The following COPS4 variants were observed in gnomAD, a reference collection of about 807,000 sequenced individuals.
COPS4 encodes COP9 signalosome subunit 4, also known as COP9 signalosome complex subunit 4.
A neutral mutation model predicts 55.1 loss-of-function variants in COPS4; 8 were observed. The observed-to-expected ratio is 0.15, with a 90% CI of 0.09 to 0.26. The LOEUF (loss-of-function observed/expected upper bound fraction) is 0.26, where lower values mean the gene tolerates loss of function less well. COPS4 is among the 10% of genes least tolerant of loss of function. COPS4 has a pLI of 1.00. For missense variants in COPS4, 248 were observed against 484.0 expected, an observed-to-expected ratio of 0.51 and a Z score of 4.58; for synonymous variants, 185 against 165.7, an observed-to-expected ratio of 1.12 and a Z score of -0.90.
rs368043144 is a variant in COPS4 at position 83,049,150 on chromosome 4, T to G, written c.155-16T>G. ...TCAGCTCATGTTTTCTTATCTTTTT[T>G]TTTTTTTTAAACAAGTGGTAAATGA... On this transcript the variant is annotated splice_polypyrimidine_tract_variant and intron_variant, in intron 2 of 9. Coordinates refer to ENST00000264389, the MANE Select transcript of COPS4 (RefSeq NM_016129.3). 12 of 1,581,572 alleles carry G rather than the reference T, an allele frequency of 7.6e-6. No individual in the cohort carries two copies. The highest frequency in any genetic ancestry group is 4.1e-5 in the African/African-American group (3 of 72,374).
chr4:83,073,030 A>G (rs1433418658), intron 9 of COPS4, among the ~76,000 whole-genome samples: 1 of 152,222 alleles, frequency 6.6e-6, no homozygotes, highest in Non-Finnish European at 1.5e-5. Flanking sequence ...AAAGAAAAAA[A>G]GAAGGAAATT....
At chr4:83,074,222 A>G (rs1415331671) in intron 9 of COPS4, among the ~76,000 whole-genome samples, 1 of 152,160 alleles carries the variant, frequency 6.6e-6, no homozygotes, top group Admixed American at 6.5e-5. Flanking sequence ...GGAATCTGCA[A>G]GCCTTGGTGA....
At position 83,046,929 on chromosome 4, in the gene COPS4, T is replaced by A. The variant is rs139810274; in HGVS notation, c.154+1224T>A. Among the ~76,000 whole-genome samples the A allele has an allele frequency of 2.4e-4, 36 of 152,350 alleles. No homozygotes were observed. The East Asian group carries it at 4.8e-3, about 20-fold the overall frequency. ...GGTTTTCTGATACACTGCTCTTACT[T>A]GCTTATATTTCCCTGAGTAATACCA... On this transcript the variant is annotated intron_variant, in intron 2 of 9. Transcript: ENST00000264389.
At chr4:83,043,189 C>T (rs1429041042) in intron 1 of COPS4, among the ~76,000 whole-genome samples, 2 of 151,818 alleles carry the variant, frequency 1.3e-5, no homozygotes, top group South Asian at 2.1e-4. Context: ...ATTCCCAATA[C>T]AGATTAGTTG....
At position 83,058,202 on chromosome 4, in the gene COPS4, G is replaced by T. The variant is rs148146151; in HGVS notation, c.715+794G>T. The stretch of plus-strand genomic sequence containing the variant: ...TGTAAATCACTTATGAAGTAGAATG[G>T]GTATTAAGAGGAAATGCTAATTCTA... On this transcript the variant is annotated intron_variant, in intron 6 of 9. Coordinates refer to ENST00000264389, the MANE Select transcript of COPS4 (RefSeq NM_016129.3). Among the ~76,000 whole-genome samples the T allele has an allele frequency of 3.0e-4, 45 of 151,986 alleles. No homozygotes were observed. The East Asian group carries it at 6.6e-3, about 22-fold the overall frequency.
chr4:83,044,770 G>A (rs759188392), intron 1 of COPS4, among the ~76,000 whole-genome samples: 6 of 151,816 alleles, frequency 4.0e-5, no homozygotes, highest in Non-Finnish European at 7.4e-5. Flanking sequence ...GCGAGACTCC[G>A]TCTTCAAAAA....
chr4:83,070,502 G>T (rs1310808467), intron 9 of COPS4, among the ~76,000 whole-genome samples: 1 of 152,084 alleles, frequency 6.6e-6, no homozygotes, highest in Non-Finnish European at 1.5e-5. Context: ...AAACTGTATT[G>T]TTAGCTTTCT....
Position 83,063,104 on chromosome 4 carries a change from T to C in COPS4, c.744T>C (p.Thr248=). The stretch of plus-strand genomic sequence containing the variant: ...AGCAGCGTTCTCGGATGCTAGCTAC[T>C]CTTTTTAAGGATGAAAGGTGCCAGC... The part of the protein sequence containing the change: ...AGQQRSRMLA[T]LFKDERCQQL... The change falls in exon 7 of 10, where the codon ACT becomes ACC. Residue 248 remains threonine, a synonymous_variant. Coordinates refer to ENST00000264389, the MANE Select transcript of COPS4 (RefSeq NM_016129.3). The C allele has an allele frequency of 1.3e-6, 2 of 1,571,948 alleles. No homozygotes were observed. Among genetic ancestry groups the C allele is most frequent in the South Asian group, 1.2e-5 (1 of 84,048 alleles).
chr4:83,048,441 T>C (rs1730774821), intron 2 of COPS4, among the ~76,000 whole-genome samples: 1 of 152,190 alleles, frequency 6.6e-6, no homozygotes, highest in South Asian at 2.1e-4. Context: ...TTCATGAAAA[T>C]TATTTTACTG....
chr4:83,037,124 T>G (rs887669138), intron 1 of COPS4, among the ~76,000 whole-genome samples: 5 of 152,214 alleles, frequency 3.3e-5, no homozygotes, highest in African/African-American at 1.2e-4. Context: ...GGGACTCACA[T>G]GCATATCTTG....
intron 4 of COPS4, among the ~76,000 whole-genome samples, chr4:83,055,672 A>T (rs1398064824): frequency 1.3e-5 from 2 of 152,006 alleles, no homozygotes; most frequent in African/African-American, 4.8e-5. Context: ...TGAACTCCTG[A>T]CCTCGTGATC....
rs1424585433 is a variant in COPS4, at chr4:83,061,478, C to G, written c.716-1598C>G. 3.3e-5 allele frequency among the ~76,000 whole-genome samples: 5 copies of G among 152,114 alleles called. No homozygotes were observed. The East Asian group carries it at 9.6e-4, about 29-fold the overall frequency. On this transcript the variant is annotated intron_variant, in intron 6 of 9. Coordinates refer to ENST00000264389, the MANE Select transcript of COPS4 (RefSeq NM_016129.3). ...TTTTGCTCAAATTTATGAAATTTAT[C>G]ATTATGGCTATGTGTATTTGTACTT...
chr4:83,071,172 T>G (rs929856013), intron 9 of COPS4, among the ~76,000 whole-genome samples: 2 of 152,238 alleles, frequency 1.3e-5, no homozygotes, highest in African/African-American at 4.8e-5. Flanking sequence ...AAATGTCTGT[T>G]TCTGTTTCCA....
intron 6 of COPS4, among the ~76,000 whole-genome samples, chr4:83,060,958 C>T (rs1232716459): frequency 6.6e-6 from 1 of 151,174 alleles, no homozygotes; most frequent in Admixed American, 6.6e-5. Flanking sequence ...CATTTGAACC[C>T]GGGAGGCAGA....
At chr4:83,052,308 A>G (rs1348167866) in intron 4 of COPS4, among the ~76,000 whole-genome samples, 1 of 152,198 alleles carries the variant, frequency 6.6e-6, no homozygotes, top group African/African-American at 2.4e-5. Flanking sequence ...GGATTCTTGC[A>G]GGAGTAGACA....
intron 9 of COPS4, among the ~76,000 whole-genome samples, chr4:83,069,940 C>T (rs1301715393): frequency 6.6e-6 from 1 of 152,146 alleles, no homozygotes. Context: ...CTGATTTTAT[C>T]CTTTTTTTCC....
intron 3 of COPS4, 84 bp from the exon 4 acceptor site, chr4:83,049,797 C>A: frequency 4.9e-6 from 4 of 818,968 alleles, no homozygotes; most frequent in Non-Finnish European, 7.6e-6. Context: ...TGTTGAATTG[C>A]CACTTTAGAA....
At chr4:83,048,862 G>T (rs190420330) in intron 2 of COPS4, among the ~76,000 whole-genome samples, 2 of 152,174 alleles carry the variant, frequency 1.3e-5, no homozygotes, top group Admixed American at 1.3e-4. Flanking sequence ...GGTCAGGCTG[G>T]TCTCGAACTC....
chr4:83,039,407 G>A (rs1320726357), intron 1 of COPS4, among the ~76,000 whole-genome samples: 3 of 152,136 alleles, frequency 2.0e-5, no homozygotes, highest in African/African-American at 4.8e-5. Flanking sequence ...TTTCTACCAC[G>A]TTTTATTGGT....
Sources: gnomAD v4.1 joint callset for allele counts (sites outside exome capture counted in the v4.1 genomes callset) on GRCh38, gnomAD v4.1.1 for gene constraint, MANE v1.5 for transcripts, NCBI Gene and HGNC (gene_info 2026-07-23, HGNC 2026-07-21) for gene names.